The following GTF2A1 variants were observed in gnomAD, a reference collection of about 807,000 sequenced individuals.
GTF2A1 encodes the protein transcription initiation factor IIA subunit 1.
Under a neutral mutation model 54.1 loss-of-function variants are expected in GTF2A1, and 12 were observed. That is an observed-to-expected ratio of 0.22 (90% CI 0.14 to 0.36). The LOEUF (loss-of-function observed/expected upper bound fraction) is 0.36. GTF2A1 is among the 10% of genes least tolerant of loss of function. The pLI, the probability that GTF2A1 is intolerant of heterozygous loss-of-function variation, is 1.00. For synonymous variants in GTF2A1, 145 were observed against 152.0 expected (o/e 0.95, Z 0.34); for missense variants, 335 against 442.2 (o/e 0.76, Z 2.17).
Position 81,211,875 on chromosome 14 carries a change from T to TCATATATATATATA in GTF2A1, c.132+4537_132+4538insTATATATATATATG, listed in dbSNP as rs1419902730. ...ACATAATTAGAGTGTATCAAGTACT[T>TCATATATATATATA]TATATATATATATATATATATATAT... On this transcript the variant is annotated intron_variant, in intron 2 of 8. Coordinates refer to ENST00000553612, the MANE Select transcript of GTF2A1 (RefSeq NM_015859.4). 2.6e-4 allele frequency among the ~76,000 whole-genome samples: 18 copies of TCATATATATATATA among 68,490 alleles called. 1 individual carries two copies. The highest frequency in any genetic ancestry group is 9.1e-4 in the African/African-American group (18 of 19,826). 44.9% of individuals were successfully genotyped at this position (68,490 alleles called of 152,430 possible).
chr14:81,192,547 T>C lies in GTF2A1; in HGVS notation c.905A>G (p.Asp302Gly). 1 of 1,612,340 alleles carries C rather than the reference T, an allele frequency of 6.2e-7. No homozygotes were observed. Among genetic ancestry groups the C allele is most frequent in the Non-Finnish European group, 8.5e-7 (1 of 1,178,984 alleles). Residue 302 changes from aspartate to glycine, a missense_variant, in exon 7 of 9, where the codon GAT becomes GGT. Asp to Gly is a moderately conservative substitution (Grantham distance 94). Coordinates refer to ENST00000553612, the MANE Select transcript of GTF2A1 (RefSeq NM_015859.4). ...TTCCACCTGCCCATCTTCAGCTCCATCTTTCTCTTTGTCTTCCTCCTCATC... is the reference window on the plus strand; with the variant it reads ...TTCCACCTGCCCATCTTCAGCTCCACCTTTCTCTTTGTCTTCCTCCTCATC... ...DDDEEEDKEK[D>G]GAEDGQVEEE...
chr14:81,215,806 C>T (rs530240318), intron 2 of GTF2A1, among the ~76,000 whole-genome samples: 3 of 152,122 alleles, frequency 2.0e-5, no homozygotes, highest in South Asian at 2.1e-4. Context: ...GAGGCCGAGG[C>T]GGGAGGATCA....
At chr14:81,199,353 CA>C (rs1893055682) in intron 4 of GTF2A1, among the ~76,000 whole-genome samples, 1 of 152,134 alleles carries the variant, frequency 6.6e-6, no homozygotes, top group Admixed American at 6.5e-5. Context: ...TTGTATTCCA[CA>C]AAACAGCCCA....
chr14:81,201,899 C>G (rs1178214281), intron 3 of GTF2A1, among the ~76,000 whole-genome samples: 1 of 152,116 alleles, frequency 6.6e-6, no homozygotes. Context: ...GTGGCTCACA[C>G]CTGTAATTAC....
At chr14:81,220,236 GGCCCGGCCCGCGGCGGCCCC>G (rs1893594363) in intron 1 of GTF2A1, among the ~76,000 whole-genome samples, 1 of 127,770 alleles carries the variant, frequency 7.8e-6, no homozygotes, top group African/African-American at 2.8e-5. Context: ...TCCGCGGCCC[GGCCCGGCCCGCGGCGGCCCC>G]AGGCCCCACC....
At chr14:81,187,542 G>A (rs1892777012) in intron 7 of GTF2A1, among the ~76,000 whole-genome samples, 1 of 152,038 alleles carries the variant, frequency 6.6e-6, no homozygotes, top group South Asian at 2.1e-4. Flanking sequence ...CCTGTCCCCT[G>A]GCAATCTATA....
chr14:81,206,284 T>C (rs2140033225), intron 2 of GTF2A1, among the ~76,000 whole-genome samples: 1 of 152,304 alleles, frequency 6.6e-6, no homozygotes, highest in Non-Finnish European at 1.5e-5. Flanking sequence ...CCACCATTAT[T>C]GTCTATTCTG....
intron 8 of GTF2A1, among the ~76,000 whole-genome samples, chr14:81,184,729 T>C (rs1212025108): frequency 6.6e-6 from 1 of 152,198 alleles, no homozygotes; most frequent in East Asian, 1.9e-4. Flanking sequence ...TAGAATAGTG[T>C]CTGGTAAATT....
chr14:81,217,549 G>A (rs989444685), intron 1 of GTF2A1, among the ~76,000 whole-genome samples: 5 of 152,196 alleles, frequency 3.3e-5, no homozygotes, highest in Non-Finnish European at 7.4e-5. Flanking sequence ...AAGGTTAATC[G>A]CTATCAAATA....
chr14:81,204,145 C>T, intron 2 of GTF2A1, 41 bp from the exon 3 acceptor site: 1 of 1,290,892 alleles, frequency 7.7e-7, no homozygotes, highest in Admixed American at 1.7e-5. Context: ...TGAAAAATAA[C>T]TCTGGACAGA....
At chr14:81,195,394 G>A (rs1392499701) in intron 6 of GTF2A1, among the ~76,000 whole-genome samples, 1 of 151,854 alleles carries the variant, frequency 6.6e-6, no homozygotes, top group Non-Finnish European at 1.5e-5. Flanking sequence ...AGCACTTTGG[G>A]AGGCCGAGGC....
rs1478218428 is a variant in GTF2A1 at position 81,189,507 on chromosome 14, T to TA, written c.933+3011dup. On this transcript the variant is annotated intron_variant, in intron 7 of 8. Transcript: ENST00000553612. ...TAACACAGCGAAACCCCATCTCTAC[T>TA]AAAAATACAAAAAATTAGCCGGGCG... Among the ~76,000 whole-genome samples the TA allele has an allele frequency of 2.6e-5, 4 of 151,906 alleles. No individual in the cohort carries two copies. In the East Asian group the frequency reaches 7.8e-4, roughly 29 times the overall value.
In GTF2A1 at chr14:81,216,405, A is replaced by G. The variant is rs564199802; in HGVS notation, c.132+8T>C. ...AGTAGGAATATTTTAAAAAAAAGACAAACTCACAGTTTTTAGTTCCATCAG... is the reference window on the plus strand; with the variant it reads ...AGTAGGAATATTTTAAAAAAAAGACGAACTCACAGTTTTTAGTTCCATCAG... On this transcript the variant is annotated splice_region_variant and intron_variant, in intron 2 of 8. Transcript: ENST00000553612. 5 of 1,190,776 alleles carry G rather than the reference A, an allele frequency of 4.2e-6. No individual in the cohort carries two copies. The highest frequency in any genetic ancestry group is 6.2e-6 in the Non-Finnish European group (5 of 807,360). 73.8% of individuals were successfully genotyped at this position (1,190,776 alleles called of 1,614,324 possible).
Position 81,220,926 on chromosome 14 carries a change from G to GCCA in GTF2A1, c.-411_-409dup, listed in dbSNP as rs1002369362. Reference sequence around the variant, plus strand: ...TATAGCGAGCCAACAAGCTGCGCGAGCCACCACCGCCGCCGCCGCCGCCGC... The same window carrying GCCA: ...TATAGCGAGCCAACAAGCTGCGCGAGCCACCACCACCGCCGCCGCCGCCGCCGC... On this transcript the variant is annotated 5_prime_UTR_variant, in exon 1 of 9. Coordinates refer to ENST00000553612, the MANE Select transcript of GTF2A1 (RefSeq NM_015859.4). The GCCA allele has an allele frequency of 5.1e-5, 9 of 177,772 alleles. No individual in the cohort carries two copies. The highest frequency in any genetic ancestry group is 8.1e-5 in the Non-Finnish European group (7 of 86,200). 11.0% of individuals were successfully genotyped at this position (177,772 alleles called of 1,614,324 possible). A position where few individuals can be genotyped will look rare whatever the true frequency, so the allele number is the denominator to read the frequency against.
Sources: gnomAD v4.1 joint callset for allele counts (sites outside exome capture counted in the v4.1 genomes callset) on GRCh38, gnomAD v4.1.1 for gene constraint, MANE v1.5 for transcripts, NCBI Gene and HGNC (gene_info 2026-07-23, HGNC 2026-07-21) for gene names.